Variants in KY observed in about 807,000 individuals in gnomAD.
The protein encoded by KY is kyphoscoliosis peptidase.
KY carries 43 observed loss-of-function variants against 76.1 expected under a neutral mutation model. The ratio of observed to expected loss-of-function variants is 0.57; its 90% confidence interval spans 0.44 to 0.73. The LOEUF (loss-of-function observed/expected upper bound fraction) is 0.73. KY is among the 30% of genes least tolerant of loss of function. KY has a pLI of 0.00. For synonymous variants in KY, 277 were observed against 326.2 expected (o/e 0.85, Z 1.63); for missense variants, 722 against 828.9 (o/e 0.87, Z 1.58).
At chr3:134,647,198 G>A (rs1966543029) in intron 2 of KY, among the ~76,000 whole-genome samples, 1 of 152,222 alleles carries the variant, frequency 6.6e-6, no homozygotes, top group Non-Finnish European at 1.5e-5. Flanking sequence ...ACAAATGGGT[G>A]CTCAAGTTCC....
In KY at chr3:134,601,489, T is replaced by A. The variant is rs1252554927; in HGVS notation, c.*2090A>T. Among the ~76,000 whole-genome samples, 1 of 152,244 alleles carries A rather than the reference T, an allele frequency of 6.6e-6. No homozygotes were observed. The highest frequency in any genetic ancestry group is 6.5e-5 in the Admixed American group (1 of 15,292). On this transcript the variant is annotated 3_prime_UTR_variant, in exon 11 of 11. Coordinates refer to ENST00000423778, the MANE Select transcript of KY (RefSeq NM_178554.6). ...TCATCGAAGGCACTTATTGTTTTGA[T>A]GAAACAAACACATTTCTTTAAGCCC... is the stretch of plus-strand genomic sequence containing the variant.
At chr3:134,644,069 C>G (rs1966126748) in intron 2 of KY, among the ~76,000 whole-genome samples, 1 of 152,156 alleles carries the variant, frequency 6.6e-6, no homozygotes, top group African/African-American at 2.4e-5. Context: ...TTGTGATTCA[C>G]CCGCCTCAGC....
intron 4 of KY, 97 bp from the exon 5 acceptor site, chr3:134,627,915 C>T: frequency 1.2e-6 from 1 of 863,512 alleles, no homozygotes; most frequent in South Asian, 1.4e-5. Context: ...CTTTTGACCC[C>T]TCCTCTTTAC....
intron 6 of KY, among the ~76,000 whole-genome samples, chr3:134,621,453 C>G (rs1344705038): frequency 6.6e-6 from 1 of 152,200 alleles, no homozygotes; most frequent in East Asian, 1.9e-4. Context: ...GGTGTCAAGT[C>G]CATTCAGTGG....
At chr3:134,609,628 G>T (rs1003253103) in intron 9 of KY, among the ~76,000 whole-genome samples, 2 of 152,168 alleles carry the variant, frequency 1.3e-5, no homozygotes, top group African/African-American at 4.8e-5. Context: ...CAGAGCCCCA[G>T]AGGACAGAAA....
intron 2 of KY, among the ~76,000 whole-genome samples, chr3:134,644,600 G>A (rs1966210704): frequency 6.6e-6 from 1 of 152,230 alleles, no homozygotes; most frequent in Non-Finnish European, 1.5e-5. Flanking sequence ...GCTTGTCACT[G>A]GAAGTGACCA....
At chr3:134,649,433 G>A (rs927704527) in intron 1 of KY, among the ~76,000 whole-genome samples, 3 of 152,154 alleles carry the variant, frequency 2.0e-5, no homozygotes, top group African/African-American at 7.2e-5. Flanking sequence ...GGGCTGACCT[G>A]GAACTAGGCC....
intron 4 of KY, among the ~76,000 whole-genome samples, chr3:134,628,798 C>T (rs1487206966): frequency 1.3e-5 from 2 of 152,102 alleles, no homozygotes; most frequent in Non-Finnish European, 2.9e-5. Context: ...GGGGTTAGGC[C>T]ACTTGCCCAA....
Position 134,610,309 on chromosome 3 carries a change from G to A in KY, c.785C>T (p.Ser262Leu), listed in dbSNP as rs78316068. 74 of 1,613,858 alleles carry A rather than the reference G, an allele frequency of 4.6e-5. No individual in the cohort carries two copies. In the East Asian group the frequency reaches 1.2e-3, roughly 26 times the overall value. ...GFGYQTGQSF[S>L]GEFDHAWNAV... ...ATTCCAGGCATGGTCAAACTCCCCCGAGAAGCTCTGCCCTGTCTGGTAGCC... is the reference window on the plus strand; with the variant it reads ...ATTCCAGGCATGGTCAAACTCCCCCAAGAAGCTCTGCCCTGTCTGGTAGCC... Residue 262 changes from serine (S) to leucine (L), a missense_variant, in exon 9 of 11, where the codon TCG (serine) becomes TTG (leucine). Transcript: ENST00000423778.
At position 134,647,513 on chromosome 3, in the gene KY, C is replaced by A; in HGVS notation, c.137-16G>T. On this transcript the variant is annotated splice_polypyrimidine_tract_variant and intron_variant, in intron 1 of 10. Coordinates refer to ENST00000423778, the MANE Select transcript of KY (RefSeq NM_178554.6). Reference sequence around the variant, plus strand: ...CCTTGGAATCCTGCAAAATAACAAGCTTCTCTGAGGTGGGAGACTCAGGGC... The same window carrying A: ...CCTTGGAATCCTGCAAAATAACAAGATTCTCTGAGGTGGGAGACTCAGGGC... 6.3e-7 allele frequency: 1 copy of A among 1,576,254 alleles called. No homozygotes were observed. Among genetic ancestry groups the A allele is most frequent in the Non-Finnish European group, 8.7e-7 (1 of 1,147,104 alleles).
intron 3 of KY, chr3:134,639,949 CAAAAAAAAAAAAAAA>C (rs35930137): frequency 2.1e-5 from 1 of 46,666 alleles, no homozygotes; most frequent in Non-Finnish European, 3.6e-5. Flanking sequence ...CACCCTGTCT[CAAAAAAAAAAAAAAA>C]AAAAAAAAAA....
In KY at chr3:134,620,855, C is replaced by T. The variant is rs1962478780; in HGVS notation, c.486G>A (p.Val162=). The T allele has an allele frequency of 6.2e-7, 1 of 1,605,110 alleles. No homozygotes were observed. The highest frequency in any genetic ancestry group is 1.3e-5 in the African/African-American group (1 of 74,786). ...GTTCGTCTAGGCCACTCTTGGCTGT[C>T]ACCTGGGGAGCAGGAAGGGTGTGCT... is the stretch of plus-strand genomic sequence containing the variant. ...FEKLDIYASQ[V]TAKSGLDELV... is the part of the protein sequence containing the mutation. Residue 162 remains valine, a splice_region_variant and synonymous_variant, in exon 7 of 11, where the codon GTG becomes GTA. Coordinates refer to ENST00000423778, the MANE Select transcript of KY (RefSeq NM_178554.6).
rs938877634 is a variant in KY at position 134,644,071 on chromosome 3, C to G, written c.200-693G>C. ...CGATCTCCTGACCTTGTGATTCACC[C>G]GCCTCAGCCTCCCAAAGTGCTGGGA... is the stretch of plus-strand genomic sequence containing the variant. On this transcript the variant is annotated intron_variant, in intron 2 of 10. Coordinates refer to ENST00000423778, the MANE Select transcript of KY (RefSeq NM_178554.6). Among the ~76,000 whole-genome samples, 3 of 152,108 alleles carry G rather than the reference C, an allele frequency of 2.0e-5. No individual in the cohort carries two copies. In the East Asian group the frequency reaches 5.8e-4, roughly 29 times the overall value.
chr3:134,622,641 A>G (rs1962832619), intron 6 of KY, among the ~76,000 whole-genome samples: 1 of 152,228 alleles, frequency 6.6e-6, no homozygotes, highest in African/African-American at 2.4e-5. Context: ...AATTAATGCT[A>G]GTGAATTGTA....
chr3:134,628,097 G>C (rs989335381), intron 4 of KY: 36 of 457,160 alleles, frequency 7.9e-5, no homozygotes, highest in Non-Finnish European at 1.2e-4. Flanking sequence ...CTAACACTTT[G>C]GGTGATTCAT....
intron 3 of KY, among the ~76,000 whole-genome samples, chr3:134,638,995 T>G (rs1965351832): frequency 6.7e-6 from 1 of 150,040 alleles, no homozygotes; most frequent in Admixed American, 6.6e-5. Flanking sequence ...TTGCCATCAT[T>G]GGTTTAAGGT....
rs542112838 is a variant in KY, at chr3:134,601,941, CG to C, written c.*1637del. On this transcript the variant is annotated 3_prime_UTR_variant, in exon 11 of 11. Coordinates refer to ENST00000423778, the MANE Select transcript of KY (RefSeq NM_178554.6). ...ACCCTGTACTCTGGATGGCAGGGGC[CG>C]GGCCCCCTTGGTTCACCTCTGTAGC... 9.9e-5 allele frequency among the ~76,000 whole-genome samples: 15 copies of C among 152,260 alleles called. No homozygotes were observed. The East Asian group carries it at 2.3e-3, about 24-fold the overall frequency.
At chr3:134,625,599 T>A (rs1429937940) in intron 5 of KY, among the ~76,000 whole-genome samples, 5 of 152,172 alleles carry the variant, frequency 3.3e-5, no homozygotes, top group Non-Finnish European at 7.3e-5. Context: ...GCCACGGCCC[T>A]GGGGTGGAGG....
intron 2 of KY, 27 bp downstream of exon 2, chr3:134,647,408 T>C (rs1300823749): frequency 6.5e-7 from 1 of 1,541,374 alleles, no homozygotes; most frequent in East Asian, 2.3e-5. Flanking sequence ...TTAAATCCTA[T>C]AGGTTGAAAG....
Sources: gnomAD v4.1 joint callset for allele counts (sites outside exome capture counted in the v4.1 genomes callset) on GRCh38, gnomAD v4.1.1 for gene constraint, MANE v1.5 for transcripts, NCBI Gene and HGNC (gene_info 2026-07-23, HGNC 2026-07-21) for gene names.